The following CYSLTR2 variants were observed in gnomAD, a reference collection of about 807,000 sequenced individuals.
CYSLTR2 encodes G-protein coupled receptor GPCR21.
For missense variants in CYSLTR2, 398 were observed against 411.9 expected (o/e 0.97, Z 0.29); for synonymous variants, 179 against 160.8 (o/e 1.11, Z -0.86).
chr13:48,657,905 A>G (rs1351611498), intron 1 of CYSLTR2, among the ~76,000 whole-genome samples: 2 of 152,054 alleles, frequency 1.3e-5, no homozygotes, highest in Non-Finnish European at 2.9e-5. Flanking sequence ...GTAGTGGTCA[A>G]GTCAAGGCTT....
intron 1 of CYSLTR2, among the ~76,000 whole-genome samples, chr13:48,682,908 T>A (rs1953794981): frequency 6.6e-6 from 1 of 152,136 alleles, no homozygotes; most frequent in Admixed American, 6.6e-5. Context: ...GATGCCAGTG[T>A]CTGTTGTTCT....
intron 4 of CYSLTR2, among the ~76,000 whole-genome samples, chr13:48,703,385 G>C (rs1313586366): frequency 6.6e-6 from 1 of 152,082 alleles, no homozygotes; most frequent in Non-Finnish European, 1.5e-5. Context: ...GGGCATCCTT[G>C]CATTGCTCCT....
At chr13:48,706,328 C>A (rs1954487330) in intron 4 of CYSLTR2, among the ~76,000 whole-genome samples, 1 of 152,204 alleles carries the variant, frequency 6.6e-6, no homozygotes, top group African/African-American at 2.4e-5. Flanking sequence ...CTGCTGGCAG[C>A]AAAGTCTTAG....
chr13:48,679,234 CT>C (rs1019372101), intron 1 of CYSLTR2, among the ~76,000 whole-genome samples: 2 of 152,090 alleles, frequency 1.3e-5, no homozygotes, highest in African/African-American at 4.8e-5. Context: ...CCCCCAGAAC[CT>C]TAAAAAAACT....
chr13:48,659,791 A>G (rs1953084894), intron 1 of CYSLTR2, among the ~76,000 whole-genome samples: 1 of 152,234 alleles, frequency 6.6e-6, no homozygotes, highest in Admixed American at 6.5e-5. Context: ...TAGATCAGAC[A>G]TTTGGTGAAT....
At chr13:48,692,609 T>C (rs1310345265) in intron 2 of CYSLTR2, among the ~76,000 whole-genome samples, 1 of 151,370 alleles carries the variant, frequency 6.6e-6, no homozygotes, top group Non-Finnish European at 1.5e-5. Context: ...TCAACTTTCC[T>C]AATAAACAGG....
rs1954615863 is a variant in CYSLTR2 at position 48,710,896 on chromosome 13, T to A, written c.*3038T>A. Reference sequence around the variant, plus strand: ...GTGCTGCTGGAGTGAAATACTGTGATATAACCTTTTTTTCAGGAAATGAAG... The same window carrying A: ...GTGCTGCTGGAGTGAAATACTGTGAAATAACCTTTTTTTCAGGAAATGAAG... On this transcript the variant is annotated 3_prime_UTR_variant, in exon 5 of 5. Transcript: ENST00000682523. 1.3e-5 allele frequency: 2 copies of A among 152,176 alleles called. No individual in the cohort carries two copies. Among genetic ancestry groups the A allele is most frequent in the Non-Finnish European group, 2.9e-5 (2 of 68,030 alleles). The allele number at this position is 152,176 out of a possible 1,614,324, so 9.4% of individuals were successfully genotyped here. A position where few individuals can be genotyped will look rare whatever the true frequency, so the allele number is the denominator to read the frequency against.
intron 1 of CYSLTR2, among the ~76,000 whole-genome samples, chr13:48,690,987 C>G (rs1442192657): frequency 6.6e-6 from 1 of 151,926 alleles, no homozygotes; most frequent in East Asian, 1.9e-4. Flanking sequence ...GGACTAATCC[C>G]AAATCAAATG....
intron 4 of CYSLTR2, among the ~76,000 whole-genome samples, chr13:48,698,381 A>G (rs994142243): frequency 2.6e-5 from 4 of 152,358 alleles, no homozygotes; most frequent in East Asian, 1.9e-4. Flanking sequence ...ATTCTTAAAG[A>G]AAAGAATTTT....
intron 1 of CYSLTR2, among the ~76,000 whole-genome samples, chr13:48,684,409 C>T (rs1953843461): frequency 1.3e-5 from 2 of 151,390 alleles, no homozygotes; most frequent in Admixed American, 1.3e-4. Context: ...AAAGTAAACT[C>T]CTCTTGATGT....
At position 48,709,162 on chromosome 13, in the gene CYSLTR2, A is replaced by G. The variant is rs2139020384; in HGVS notation, c.*1304A>G. ...GTGTTGGCTGGGTGCTCTCCCCACC[A>G]CTACCCTTGTAAACTTCCAGGAAGA... On this transcript the variant is annotated 3_prime_UTR_variant, in exon 5 of 5. Coordinates refer to ENST00000682523, the MANE Select transcript of CYSLTR2 (RefSeq NM_001308476.3). 6.0e-6 allele frequency: 1 copy of G among 167,204 alleles called. No individual in the cohort carries two copies. Among genetic ancestry groups the G allele is most frequent in the African/African-American group, 2.4e-5 (1 of 41,590 alleles). The allele number at this position is 167,204 out of a possible 1,614,324, so 10.4% of individuals were successfully genotyped here.
At chr13:48,693,378 T>C (rs898228757) in intron 2 of CYSLTR2, 60 bp from the exon 3 acceptor site, 2 of 152,144 alleles carry the variant, frequency 1.3e-5, no homozygotes, top group Non-Finnish European at 2.9e-5. Context: ...TATGTAAATA[T>C]ACTGTTTGTG....
chr13:48,704,409 T>G (rs1367144665), intron 4 of CYSLTR2, among the ~76,000 whole-genome samples: 1 of 152,186 alleles, frequency 6.6e-6, no homozygotes, highest in Non-Finnish European at 1.5e-5. Context: ...CAATCGATTG[T>G]ATTGACTTTT....
intron 1 of CYSLTR2, among the ~76,000 whole-genome samples, chr13:48,656,661 A>G (rs1388867465): frequency 6.6e-6 from 1 of 152,212 alleles, no homozygotes; most frequent in African/African-American, 2.4e-5. Context: ...ACATGAGTAC[A>G]TGATGGTTAC....
At chr13:48,661,080 C>T (rs1360349129) in intron 1 of CYSLTR2, among the ~76,000 whole-genome samples, 1 of 151,812 alleles carries the variant, frequency 6.6e-6, no homozygotes, top group African/African-American at 2.4e-5. Flanking sequence ...AGCATTACCC[C>T]TTTCTTTTAT....
chr13:48,658,752 G>T (rs1476072351), intron 1 of CYSLTR2, among the ~76,000 whole-genome samples: 2 of 152,154 alleles, frequency 1.3e-5, no homozygotes, highest in South Asian at 2.1e-4. Context: ...GCAGTGTTGG[G>T]GGTTTTGAAA....
At chr13:48,665,943 T>C (rs1052062470) in intron 1 of CYSLTR2, among the ~76,000 whole-genome samples, 1 of 152,126 alleles carries the variant, frequency 6.6e-6, no homozygotes, top group African/African-American at 2.4e-5. Flanking sequence ...TTTCCTGTGG[T>C]GATAAGGCTT....
At chr13:48,681,179 A>AAAACCAACCCCAACCTC (rs1312103096) in intron 1 of CYSLTR2, among the ~76,000 whole-genome samples, 1 of 151,940 alleles carries the variant, frequency 6.6e-6, no homozygotes, top group African/African-American at 2.4e-5. Flanking sequence ...ACCCCAACCT[A>AAAACCAACCCCAACCTC]AAACCAACCC....
At chr13:48,684,169 T>G (rs1031414036) in intron 1 of CYSLTR2, among the ~76,000 whole-genome samples, 1 of 152,046 alleles carries the variant, frequency 6.6e-6, no homozygotes, top group Non-Finnish European at 1.5e-5. Flanking sequence ...CCTCAAGTGA[T>G]CCTCCCACCT....
Sources: allele counts gnomAD v4.1 joint callset (sites outside exome capture counted in the v4.1 genomes callset), GRCh38; gene constraint gnomAD v4.1.1; transcripts MANE v1.5; gene names NCBI Gene and HGNC (gene_info 2026-07-23, HGNC 2026-07-21).